FAM135A: variants seen among roughly 807,000 people sequenced by gnomAD.
The protein encoded by FAM135A is family with sequence similarity 135 member A.
A neutral mutation model predicts 146.8 loss-of-function variants in FAM135A; 79 were observed. The ratio of observed to expected loss-of-function variants is 0.54; its 90% CI spans 0.45 to 0.65. The LOEUF (loss-of-function observed/expected upper bound fraction) is 0.65, where lower values mean the gene tolerates loss of function less well. Among genes scored for constraint, FAM135A ranks in the 30% least tolerant of loss-of-function variants. The probability of loss-of-function intolerance (pLI) is 0.00; values close to 1 mark genes in which losing one functional copy is unlikely to be tolerated. For synonymous variants in FAM135A, 562 were observed against 603.6 expected, an observed-to-expected ratio of 0.93 and a Z score of 1.01; for missense variants, 1,623 against 1,758.2, an observed-to-expected ratio of 0.92 and a Z score of 1.38.
intron 12 of FAM135A, among the ~76,000 whole-genome samples, chr6:70,515,654 G>A (rs1792029109): frequency 6.6e-6 from 1 of 152,112 alleles, no homozygotes; most frequent in East Asian, 1.9e-4. Context: ...GGGGGCAGTA[G>A]AAGTATTCTG....
In FAM135A at chr6:70,452,983, A is replaced by G. The variant is rs536140953; in HGVS notation, c.157+412A>G. Among the ~76,000 whole-genome samples the G allele has an allele frequency of 7.9e-5, 12 of 152,066 alleles. No individual in the cohort carries two copies. The East Asian group carries it at 1.5e-3, about 20-fold the overall frequency. On this transcript the variant is annotated intron_variant, in intron 5 of 21. Coordinates refer to ENST00000418814, the MANE Select transcript of FAM135A (RefSeq NM_001162529.3). ...TTTTTTTTTCTGGATTAGGTTCTCT[A>G]TTTATGAAACAGAGCCAAAAGGCAA...
At chr6:70,545,006 G>T (rs958733700) in intron 20 of FAM135A, among the ~76,000 whole-genome samples, 1 of 149,406 alleles carries the variant, frequency 6.7e-6, no homozygotes. Context: ...AGCCAAGATC[G>T]CACCATTGCA....
chr6:70,505,691 C>T (rs1288698262), intron 12 of FAM135A, among the ~76,000 whole-genome samples: 1 of 151,840 alleles, frequency 6.6e-6, no homozygotes. Context: ...TGATTTTATT[C>T]TAGTTTCTAG....
intron 5 of FAM135A, among the ~76,000 whole-genome samples, chr6:70,465,909 C>A (rs1780388421): frequency 6.6e-6 from 1 of 152,172 alleles, no homozygotes; most frequent in Admixed American, 6.5e-5. Context: ...CTTTTATCTT[C>A]ATTTGACTAA....
At chr6:70,495,121 C>A (rs1786924160) in intron 11 of FAM135A, among the ~76,000 whole-genome samples, 1 of 152,170 alleles carries the variant, frequency 6.6e-6, no homozygotes, top group Non-Finnish European at 1.5e-5. Flanking sequence ...AAAAACACAG[C>A]AGGAAATTCA....
chr6:70,443,137 G>C (rs1774940480), intron 4 of FAM135A, among the ~76,000 whole-genome samples: 1 of 152,162 alleles, frequency 6.6e-6, no homozygotes. Context: ...ATATGGGGTT[G>C]TGCCATTTTT....
intron 5 of FAM135A, among the ~76,000 whole-genome samples, chr6:70,461,961 T>C (rs1472180032): frequency 6.6e-6 from 1 of 152,210 alleles, no homozygotes; most frequent in Non-Finnish European, 1.5e-5. Flanking sequence ...GCTCAGTAAA[T>C]GTCTTTTCCC....
At chr6:70,517,415 C>CTT (rs746307665) in intron 12 of FAM135A, among the ~76,000 whole-genome samples, 3,110 of 127,040 alleles carry the variant, frequency 0.024, 115 homozygotes, top group African/African-American at 0.071. Flanking sequence ...CGTCTTTTTC[C>CTT]TTTTTTTTTT....
At chr6:70,541,359 A>T (rs1424505947) in intron 20 of FAM135A, among the ~76,000 whole-genome samples, 1 of 151,888 alleles carries the variant, frequency 6.6e-6, no homozygotes, top group Non-Finnish European at 1.5e-5. Context: ...GCACCACTCC[A>T]CTGAAGCTTG....
intron 4 of FAM135A, among the ~76,000 whole-genome samples, chr6:70,439,307 A>G (rs188978127): frequency 3.3e-5 from 5 of 152,314 alleles, no homozygotes; most frequent in African/African-American, 4.8e-5. Context: ...ACCTGAGTGT[A>G]AGGGGAGACT....
Position 70,526,208 on chromosome 6 carries a change from T to G in FAM135A, c.3124T>G (p.Tyr1042Asp), listed in dbSNP as rs764207666. 3 of 1,613,408 alleles carry G rather than the reference T, an allele frequency of 1.9e-6. No individual in the cohort carries two copies. Among genetic ancestry groups the G allele is most frequent in the Middle Eastern group, 3.3e-4 (2 of 6,060 alleles). ...AGTAAAGCAAGGGCTTGTGGAAAAT[T>G]ATTTTGGTTCTCAAAGCAGTACGGA... ...DIVKQGLVENYFGSQSSTDIS... is the reference protein window; with the variant it reads ...DIVKQGLVENDFGSQSSTDIS... Residue 1042 changes from tyrosine (Y) to aspartate (D), a missense_variant, in exon 15 of 22, where the codon TAT (tyrosine) becomes GAT (aspartate). This residue lies in a region of FAM135A where 1,061 missense variants were observed against 1,113.8 expected (regional missense o/e 0.95). Coordinates refer to ENST00000418814, the MANE Select transcript of FAM135A (RefSeq NM_001162529.3).
rs796080008 is a variant in FAM135A at position 70,540,411 on chromosome 6, G to A, written c.4228+2010G>A. Reference sequence around the variant, plus strand: ...ACGATCTCGGCTCGCTGCAAGCTCCGCCTCCCGAGTTCACACCATTCTCCT... The same window carrying A: ...ACGATCTCGGCTCGCTGCAAGCTCCACCTCCCGAGTTCACACCATTCTCCT... On this transcript the variant is annotated intron_variant, in intron 20 of 21. Transcript: ENST00000418814. Among the ~76,000 whole-genome samples the A allele has an allele frequency of 9.1e-4, 122 of 134,308 alleles. 1 individual carries two copies. The highest frequency in any genetic ancestry group is 3.3e-3 in the African/African-American group (117 of 35,728). The allele number at this position is 134,308 out of a possible 152,430, so 88.1% of individuals were successfully genotyped here.
intron 11 of FAM135A, among the ~76,000 whole-genome samples, chr6:70,495,858 A>C (rs1013346796): frequency 6.6e-6 from 1 of 151,556 alleles, no homozygotes; most frequent in Non-Finnish European, 1.5e-5. Flanking sequence ...TCATTGTTCA[A>C]CTCCCACTTA....
chr6:70,440,578 C>G (rs1231105940), intron 4 of FAM135A, among the ~76,000 whole-genome samples: 3 of 152,202 alleles, frequency 2.0e-5, no homozygotes, highest in African/African-American at 4.8e-5. Context: ...ATCCCAGCTA[C>G]TCAGGAGTCT....
At position 70,452,952 on chromosome 6, in the gene FAM135A, A is replaced by G. The variant is rs1474404064; in HGVS notation, c.157+381A>G. 2.6e-5 allele frequency among the ~76,000 whole-genome samples: 4 copies of G among 152,236 alleles called. No homozygotes were observed. The East Asian group carries it at 7.7e-4, about 29-fold the overall frequency. Reference sequence around the variant, plus strand: ...TATGCATTTTGAGGACATTTTTTAAACCAATTTTTTTTTTCTGGATTAGGT... The same window carrying G: ...TATGCATTTTGAGGACATTTTTTAAGCCAATTTTTTTTTTCTGGATTAGGT... On this transcript the variant is annotated intron_variant, in intron 5 of 21. Coordinates refer to ENST00000418814, the MANE Select transcript of FAM135A (RefSeq NM_001162529.3).
At chr6:70,559,198 T>C (rs1425725756) in intron 21 of FAM135A, among the ~76,000 whole-genome samples, 5 of 152,194 alleles carry the variant, frequency 3.3e-5, no homozygotes, top group African/African-American at 1.2e-4. Context: ...CCCAGCACTT[T>C]GGGAGGCTGA....
At chr6:70,500,745 G>A (rs2128245603) in intron 11 of FAM135A, among the ~76,000 whole-genome samples, 1 of 152,300 alleles carries the variant, frequency 6.6e-6, no homozygotes, top group South Asian at 2.1e-4. Flanking sequence ...CCCCTCTGCT[G>A]CAGGTCTGTT....
intron 15 of FAM135A, 52 bp downstream of exon 15, chr6:70,526,750 TACACACACACACACATACACAC>T (rs1296695157): frequency 1.8e-5 from 15 of 851,522 alleles, no homozygotes; most frequent in Middle Eastern, 2.9e-4. Context: ...CATATATATA[TACACACACACACACATACACAC>T]ACACACACAC....
chr6:70,530,903 G>A (rs992887403), intron 16 of FAM135A, among the ~76,000 whole-genome samples: 4 of 152,138 alleles, frequency 2.6e-5, no homozygotes, highest in Admixed American at 6.5e-5. Context: ...CAAGAACTGA[G>A]GGTCCTGGGA....
Sources: allele counts gnomAD v4.1 joint callset (sites outside exome capture counted in the v4.1 genomes callset), GRCh38; gene constraint gnomAD v4.1.1; regional missense constraint gnomAD v4.1.1; transcripts MANE v1.5; gene names NCBI Gene and HGNC (gene_info 2026-07-23, HGNC 2026-07-21).